ZZEF1: variants seen among roughly 807,000 people sequenced by gnomAD.
ZZEF1 encodes the protein zinc finger ZZ-type and EF-hand domain containing 1, also known as zinc finger ZZ-type and EF-hand domain-containing protein 1.
In ZZEF1, 157 loss-of-function variants were observed where a neutral mutation model predicts 342.8. The observed-to-expected ratio is 0.46, with a 90% CI of 0.40 to 0.52. ZZEF1 has a LOEUF of 0.52. Among genes scored for constraint, ZZEF1 ranks in the 20% least tolerant of loss-of-function variants. The pLI is 0.00. For synonymous variants in ZZEF1, 1,505 were observed against 1,429.1 expected (o/e 1.05, Z -1.20); for missense variants, 3,480 against 3,725.6 (o/e 0.93, Z 1.72).
intron 42 of ZZEF1, among the ~76,000 whole-genome samples, chr17:4,029,890 A>T (rs2145038536): frequency 7.1e-6 from 1 of 140,640 alleles, no homozygotes; most frequent in South Asian, 2.2e-4. Context: ...AAAAAAAAAA[A>T]AAAAAGACAG....
intron 24 of ZZEF1, 175 bp from the exon 25 acceptor site, chr17:4,072,931 G>T: frequency 1.7e-6 from 1 of 574,292 alleles, no homozygotes; most frequent in Non-Finnish European, 2.8e-6. Context: ...CACAGATTAA[G>T]CTAAACCACC....
In ZZEF1 at chr17:4,142,854, T is replaced by C; in HGVS notation, c.42A>G (p.Ala14=). 7.2e-7 allele frequency: 1 copy of C among 1,394,682 alleles called. No individual in the cohort carries two copies. Among genetic ancestry groups the C allele is most frequent in the Non-Finnish European group, 9.2e-7 (1 of 1,083,424 alleles). 86.4% of individuals were successfully genotyped at this position (1,394,682 alleles called of 1,614,324 possible). A position where few individuals can be genotyped will look rare whatever the true frequency, so the allele number is the denominator to read the frequency against. Residue 14 remains alanine, a synonymous_variant, in exon 1 of 55, where the codon GCA becomes GCG. Coordinates refer to ENST00000381638, the MANE Select transcript of ZZEF1 (RefSeq NM_015113.4). The stretch of plus-strand genomic sequence containing the variant: ...GGCCCCAGCCCTCGCCACCGGCAGC[T>C]GCCGCTTCGTCTTCACTGCTGTGAC... ...APSHSSEDEA[A]AAGGEGWGPH...
rs761135177 is a variant in ZZEF1 at position 4,017,490 on chromosome 17, C to G, written c.7882G>C (p.Ala2628Pro). 2 of 1,614,256 alleles carry G rather than the reference C, an allele frequency of 1.2e-6. No individual in the cohort carries two copies. The highest frequency in any genetic ancestry group is 2.2e-5 in the South Asian group (2 of 91,086). ...ACTGGCACGTGGCTAGGCCACTCGG[C>G]GAGCAGGGATGCAAGCACGTGGCGG... is the stretch of plus-strand genomic sequence containing the variant. ...YARHVLASLL[A>P]EWPSHVPVSE... is the part of the protein sequence containing the mutation. The change falls in exon 48 of 55, where the codon GCC becomes CCC. Residue 2628 changes from alanine (A) to proline (P), a missense_variant. By Grantham distance (27) the Ala-to-Pro change is conservative. This residue lies in a region of ZZEF1 where 1,269 missense variants were observed against 1,342.4 expected (regional missense o/e 0.95). Coordinates refer to ENST00000381638, the MANE Select transcript of ZZEF1 (RefSeq NM_015113.4). This position sits in a 1 kb window ranked among gnomAD's most constrained non-coding sequence, Gnocchi z 5.1.
At chr17:4,053,722 T>C (rs1235503058) in intron 34 of ZZEF1, among the ~76,000 whole-genome samples, 1 of 152,240 alleles carries the variant, frequency 6.6e-6, no homozygotes, top group African/African-American at 2.4e-5. Flanking sequence ...TGCTTGTGTA[T>C]GTGTGCGTGT....
chr17:4,111,776 A>ATT (rs2058306630), intron 5 of ZZEF1, among the ~76,000 whole-genome samples: 1 of 146,378 alleles, frequency 6.8e-6, no homozygotes, highest in African/African-American at 2.5e-5. Flanking sequence ...ATATATATAT[A>ATT]TTTATAATCC....
chr17:4,119,940 C>G (rs1279545379), intron 2 of ZZEF1, among the ~76,000 whole-genome samples: 2 of 152,152 alleles, frequency 1.3e-5, no homozygotes, highest in East Asian at 3.8e-4. Flanking sequence ...CAGTTCACAC[C>G]AAGGACTAAC....
In ZZEF1 at chr17:4,032,074, G is replaced by A. The variant is rs1051258546; in HGVS notation, c.6892+52C>T. On this transcript the variant is annotated intron_variant, in intron 42 of 54. Transcript: ENST00000381638. Reference sequence around the variant, plus strand: ...AATTTCATTGATTTTAGGGTACGGAGGGATTAGGCATTTTTCTTCCATTCT... The same window carrying A: ...AATTTCATTGATTTTAGGGTACGGAAGGATTAGGCATTTTTCTTCCATTCT... 8 of 1,582,220 alleles carry A rather than the reference G, an allele frequency of 5.1e-6. No individual in the cohort carries two copies. In the East Asian group the frequency reaches 1.6e-4, roughly 32 times the overall value.
At chr17:4,015,893 C>CT (rs1386121566) in intron 49 of ZZEF1, among the ~76,000 whole-genome samples, 102 of 152,330 alleles carry the variant, frequency 6.7e-4, no homozygotes, top group African/African-American at 2.4e-3. Context: ...AGATGAGACT[C>CT]TGATTCAGTT....
chr17:4,094,674 T>C (rs991698612), intron 11 of ZZEF1, among the ~76,000 whole-genome samples: 1 of 152,178 alleles, frequency 6.6e-6, no homozygotes, highest in African/African-American at 2.4e-5. Flanking sequence ...GCACTACCAA[T>C]TTCCCCACCT....
At position 4,048,683 on chromosome 17, in the gene ZZEF1, A is replaced by G. The variant is rs571639238; in HGVS notation, c.6015+1025T>C. Among the ~76,000 whole-genome samples the G allele has an allele frequency of 3.9e-5, 6 of 152,122 alleles. No homozygotes were observed. In the East Asian group the frequency reaches 1.2e-3, roughly 29 times the overall value. ...ACTGAATATAAATACAGCTACACCG[A>G]TACAGTGTACACCATGGGCTAGGAA... On this transcript the variant is annotated intron_variant, in intron 37 of 54. Coordinates refer to ENST00000381638, the MANE Select transcript of ZZEF1 (RefSeq NM_015113.4).
intron 16 of ZZEF1, among the ~76,000 whole-genome samples, chr17:4,083,176 G>C (rs1271035622): frequency 6.6e-6 from 1 of 152,238 alleles, no homozygotes; most frequent in African/African-American, 2.4e-5. Flanking sequence ...GATGGAGAGA[G>C]AATCGCTCAG....
chr17:4,087,276 T>C (rs2057850019), intron 14 of ZZEF1, among the ~76,000 whole-genome samples, 158 bp downstream of exon 14: 2 of 152,126 alleles, frequency 1.3e-5, no homozygotes, highest in Admixed American at 1.3e-4. Context: ...TTTATAGAAA[T>C]CTGAGGTGTT....
At position 4,044,210 on chromosome 17, in the gene ZZEF1, C is replaced by A; in HGVS notation, c.6166+14G>T. 6.2e-7 allele frequency: 1 copy of A among 1,612,580 alleles called. No homozygotes were observed. The highest frequency in any genetic ancestry group is 1.1e-5 in the South Asian group (1 of 90,760). On this transcript the variant is annotated intron_variant, in intron 38 of 54. Coordinates refer to ENST00000381638, the MANE Select transcript of ZZEF1 (RefSeq NM_015113.4). Reference sequence around the variant, plus strand: ...AGATGAAAGAGATGAAGATAATGGTCAAATAGTCTTTACCTGGAAGTCCTG... The same window carrying A: ...AGATGAAAGAGATGAAGATAATGGTAAAATAGTCTTTACCTGGAAGTCCTG...
chr17:4,132,239 A>C (rs2058672264), intron 1 of ZZEF1, among the ~76,000 whole-genome samples: 1 of 148,612 alleles, frequency 6.7e-6, no homozygotes, highest in Admixed American at 6.8e-5. Flanking sequence ...GCTGGAGTGC[A>C]GTGGTGCAAT....
chr17:4,086,320 TCCCTTTCTGGGGGATTCCCACAGC>T (rs1302310857), intron 15 of ZZEF1, among the ~76,000 whole-genome samples, 142 bp downstream of exon 15: 22 of 136,260 alleles, frequency 1.6e-4, no homozygotes, highest in Non-Finnish European at 2.8e-4. Context: ...ACAGCGGCAA[TCCCTTTCTGGGGGATTCCCACAGC>T]GGCAATCCCT....
At chr17:4,027,526 C>A (rs1279952725) in intron 42 of ZZEF1, among the ~76,000 whole-genome samples, 8 of 150,670 alleles carry the variant, frequency 5.3e-5, no homozygotes, top group Non-Finnish European at 1.2e-4. Context: ...AACTCCTGAC[C>A]TCAAGTGATC....
rs944539846 is a variant in ZZEF1, at chr17:4,022,711, C to T, written c.7210G>A (p.Glu2404Lys). 1.9e-6 allele frequency: 3 copies of T among 1,613,852 alleles called. No individual in the cohort carries two copies. In the Admixed American group the frequency reaches 5.0e-5, roughly 27 times the overall value. Reference sequence around the variant, plus strand: ...CAGGAGTCCCTCTCGTCTCTTACTTCCAGGTCCCGGAGGAGCCACGTTTTA... The same window carrying T: ...CAGGAGTCCCTCTCGTCTCTTACTTTCAGGTCCCGGAGGAGCCACGTTTTA... ...FSKTWLLRDLEILSIMLYSSK... is the reference protein window; with the variant it reads ...FSKTWLLRDLKILSIMLYSSK... The change falls in exon 44 of 55, where the codon GAA (glutamate) becomes AAA (lysine). Residue 2404 changes from glutamate (E) to lysine (K), a missense_variant and splice_region_variant. Glu to Lys is a moderately conservative substitution (Grantham distance 56, BLOSUM62 1). Coordinates refer to ENST00000381638, the MANE Select transcript of ZZEF1 (RefSeq NM_015113.4).
chr17:4,052,247 G>T, intron 34 of ZZEF1, 111 bp from the exon 35 acceptor site: 1 of 1,093,274 alleles, frequency 9.1e-7, no homozygotes, highest in Non-Finnish European at 1.3e-6. Context: ...TGACTGCTCA[G>T]GGATACAGGG....
Position 4,016,519 on chromosome 17 carries a change from A to C in ZZEF1, c.8002-53T>G. ...GGGCCTGCAAGTGGCATCAGGAAGAAGGGACAGTTTACTTCAACCCAAGCT... is the reference window on the plus strand; with the variant it reads ...GGGCCTGCAAGTGGCATCAGGAAGACGGGACAGTTTACTTCAACCCAAGCT... On this transcript the variant is annotated intron_variant, in intron 48 of 54. Transcript: ENST00000381638. The surrounding 1 kb of genome is among the most constrained non-coding windows in gnomAD (Gnocchi z 4.4). The C allele has an allele frequency of 6.4e-7, 1 of 1,563,166 alleles. No individual in the cohort carries two copies.
Sources: gnomAD v4.1 joint callset for allele counts (sites outside exome capture counted in the v4.1 genomes callset) on GRCh38, gnomAD v4.1.1 for gene constraint, gnomAD v4.1.1 regional missense constraint, Gnocchi (gnomAD v3.1) non-coding constraint, MANE v1.5 for transcripts, NCBI Gene and HGNC (gene_info 2026-07-23, HGNC 2026-07-21) for gene names.